The following FHIT variants were observed in gnomAD, a reference collection of about 807,000 sequenced individuals.
FHIT encodes the protein bis(5'-adenosyl)-triphosphatase.
Under a neutral mutation model 17.9 loss-of-function variants are expected in FHIT, and 19 were observed. The observed-to-expected ratio is 1.06, with a 90% CI of 0.74 to 1.56. The LOEUF (loss-of-function observed/expected upper bound fraction) is 1.56, where lower values mean the gene tolerates loss of function less well. FHIT is among the 40% of genes most tolerant of loss of function. The pLI is 0.00. For missense variants in FHIT, 248 were observed against 189.2 expected (o/e 1.31, Z -1.82); for synonymous variants, 81 against 69.7 (o/e 1.16, Z -0.81).
chr3:61,250,165 A>G (rs903682846), intron 1 of FHIT, among the ~76,000 whole-genome samples: 2 of 152,296 alleles, frequency 1.3e-5, no homozygotes, highest in East Asian at 3.9e-4. Context: ...CGCCGTGCAA[A>G]ATGGCACGCC....
intron 5 of FHIT, among the ~76,000 whole-genome samples, chr3:60,039,868 A>C (rs1004884918): frequency 3.3e-5 from 5 of 152,176 alleles, no homozygotes; most frequent in African/African-American, 1.2e-4. Context: ...TCAGAGTCTA[A>C]ATGTCCTCAT....
intron 4 of FHIT, among the ~76,000 whole-genome samples, chr3:60,708,867 A>T (rs1333542086): frequency 6.6e-6 from 1 of 152,230 alleles, no homozygotes; most frequent in African/African-American, 2.4e-5. Flanking sequence ...TGCTATTACC[A>T]ACTGTGAATC....
At chr3:60,849,747 T>G (rs1369118922) in intron 3 of FHIT, among the ~76,000 whole-genome samples, 1 of 152,022 alleles carries the variant, frequency 6.6e-6, no homozygotes, top group Non-Finnish European at 1.5e-5. Flanking sequence ...AAAATAGGTA[T>G]GAAAATAGGT....
At chr3:60,013,283 G>A (rs559778838) in intron 6 of FHIT, among the ~76,000 whole-genome samples, 1 of 152,286 alleles carries the variant, frequency 6.6e-6, no homozygotes, top group South Asian at 2.1e-4. Context: ...CATTTTGAAA[G>A]TGTGTCCTTC....
Position 60,607,293 on chromosome 3 carries a change from A to C in FHIT, c.-17-70314T>G, listed in dbSNP as rs79430937. Among the ~76,000 whole-genome samples, 15 of 152,154 alleles carry C rather than the reference A, an allele frequency of 9.9e-5. No homozygotes were observed. The East Asian group carries it at 2.7e-3, about 27-fold the overall frequency. ...TAGAAGCTTTGAATTGCCGATGAGC[A>C]GATTAATCATTTTCAGATGGTCTCA... On this transcript the variant is annotated intron_variant, in intron 4 of 9. Coordinates refer to ENST00000492590, the MANE Select transcript of FHIT (RefSeq NM_002012.4).
At chr3:61,065,268 A>AACACAC (rs57357848) in intron 2 of FHIT, among the ~76,000 whole-genome samples, 4,238 of 148,406 alleles carry the variant, frequency 0.029, 110 homozygotes, top group African/African-American at 0.068. Context: ...AGTCATTTTC[A>AACACAC]ACACACACAC....
At chr3:59,791,484 C>T (rs892926490) in intron 8 of FHIT, among the ~76,000 whole-genome samples, 9 of 152,112 alleles carry the variant, frequency 5.9e-5, no homozygotes, top group East Asian at 3.9e-4. Flanking sequence ...TGGATCCAGC[C>T]GCGCCTGAAT....
chr3:60,109,569 A>T (rs1355838742), intron 5 of FHIT, among the ~76,000 whole-genome samples: 2 of 152,190 alleles, frequency 1.3e-5, no homozygotes, highest in African/African-American at 4.8e-5. Flanking sequence ...GGTCCAGCAA[A>T]GCAGAACAGA....
intron 5 of FHIT, among the ~76,000 whole-genome samples, chr3:60,494,541 G>A (rs139782651): frequency 2.8e-4 from 43 of 152,112 alleles, no homozygotes; most frequent in African/African-American, 8.4e-4. Flanking sequence ...ACTCCGTTGC[G>A]CTATCAAATA....
chr3:61,203,847 T>G (rs926980763), intron 1 of FHIT, among the ~76,000 whole-genome samples: 3 of 152,234 alleles, frequency 2.0e-5, no homozygotes, highest in Non-Finnish European at 2.9e-5. Context: ...TCTCTGTCTA[T>G]ATAAGCAAAG....
intron 5 of FHIT, among the ~76,000 whole-genome samples, chr3:60,180,980 T>C (rs956984193): frequency 6.6e-6 from 1 of 152,012 alleles, no homozygotes; most frequent in Non-Finnish European, 1.5e-5. Context: ...TATTTTAAAA[T>C]GAAGGTGAGT....
intron 5 of FHIT, among the ~76,000 whole-genome samples, chr3:60,450,045 A>C (rs1000073872): frequency 2.0e-5 from 3 of 150,654 alleles, no homozygotes; most frequent in African/African-American, 7.3e-5. Context: ...AGAAAATGAA[A>C]ATGGTAGACC....
chr3:60,537,884 A>T (rs2036043255), intron 4 of FHIT, among the ~76,000 whole-genome samples: 1 of 152,224 alleles, frequency 6.6e-6, no homozygotes, highest in Non-Finnish European at 1.5e-5. Context: ...CTAGTATGAA[A>T]CTGAGGAACA....
At chr3:60,300,174 C>G (rs1483967317) in intron 5 of FHIT, among the ~76,000 whole-genome samples, 1 of 152,084 alleles carries the variant, frequency 6.6e-6, no homozygotes, top group African/African-American at 2.4e-5. Context: ...ATACAATATT[C>G]AGGATTTTTT....
intron 4 of FHIT, among the ~76,000 whole-genome samples, chr3:60,565,546 G>A (rs545661872): frequency 3.3e-5 from 5 of 152,230 alleles, no homozygotes; most frequent in African/African-American, 9.6e-5. Context: ...TTACAAAAAA[G>A]GGAAATTAGT....
At chr3:59,957,836 A>G (rs1305000220) in intron 7 of FHIT, among the ~76,000 whole-genome samples, 1 of 152,232 alleles carries the variant, frequency 6.6e-6, no homozygotes, top group African/African-American at 2.4e-5. Flanking sequence ...ACTCTTGGCT[A>G]TACAACATGG....
At chr3:60,152,472 G>T (rs1368748896) in intron 5 of FHIT, among the ~76,000 whole-genome samples, 1 of 152,214 alleles carries the variant, frequency 6.6e-6, no homozygotes, top group South Asian at 2.1e-4. Flanking sequence ...AAGGTCAAGA[G>T]ATCAGGGTAT....
chr3:61,074,960 T>C (rs2034926038), intron 2 of FHIT, among the ~76,000 whole-genome samples: 1 of 152,170 alleles, frequency 6.6e-6, no homozygotes, highest in South Asian at 2.1e-4. Flanking sequence ...ACCAGACACA[T>C]GGAAAAGCCA....
intron 8 of FHIT, among the ~76,000 whole-genome samples, chr3:59,869,735 C>A (rs1199401306): frequency 6.6e-6 from 1 of 151,662 alleles, no homozygotes; most frequent in Non-Finnish European, 1.5e-5. Context: ...ATCTGCCCAC[C>A]TCGGCCTCCC....
Sources: allele counts gnomAD v4.1 joint callset (sites outside exome capture counted in the v4.1 genomes callset), GRCh38; gene constraint gnomAD v4.1.1; transcripts MANE v1.5; gene names NCBI Gene and HGNC (gene_info 2026-07-23, HGNC 2026-07-21).